Variants in PSME4 observed in about 807,000 individuals in gnomAD.
The protein encoded by PSME4 is proteasome activator subunit 4, also known as proteasome activator complex subunit 4.
Under a neutral mutation model 253.9 loss-of-function variants are expected in PSME4, and 89 were observed. The observed-to-expected ratio is 0.35, with a 90% CI of 0.30 to 0.42. The LOEUF (loss-of-function observed/expected upper bound fraction) is 0.42. Ranked by LOEUF, PSME4 falls within the 10% of genes least tolerant of loss-of-function variation. The pLI, the probability that PSME4 is intolerant of heterozygous loss-of-function variation, is 1.00. For missense variants in PSME4, 2,014 were observed against 2,195.2 expected, an observed-to-expected ratio of 0.92 and a Z score of 1.65; for synonymous variants, 851 against 759.2, an observed-to-expected ratio of 1.12 and a Z score of -1.99.
chr2:53,868,506 T>TAAAA (rs1558638192), intron 44 of PSME4, among the ~76,000 whole-genome samples: 5 of 53,726 alleles, frequency 9.3e-5, no homozygotes, highest in African/African-American at 2.8e-4. Context: ...TGATATATAT[T>TAAAA]ATAAAATATA....
chr2:53,897,167 G>GTTTT (rs1056577962), intron 31 of PSME4, among the ~76,000 whole-genome samples: 9 of 122,170 alleles, frequency 7.4e-5, no homozygotes, highest in East Asian at 2.5e-4. Flanking sequence ...TAGCCTCAGG[G>GTTTT]TTTTTTTTTT....
In PSME4 at chr2:53,896,720, G is replaced by T. The variant is rs1680153914; in HGVS notation, c.3688+84C>A. ...TAATATCCATAGAACAATATTTGAG[G>T]TCAAGAACTAGAATTTATACATGTC... On this transcript the variant is annotated intron_variant, in intron 32 of 46. Transcript: ENST00000404125. The T allele has an allele frequency of 1.2e-5, 12 of 1,010,076 alleles. No individual in the cohort carries two copies. In the South Asian group the frequency reaches 1.2e-4, roughly 10 times the overall value. 62.6% of individuals were successfully genotyped at this position (1,010,076 alleles called of 1,614,324 possible).
intron 40 of PSME4, 113 bp from the exon 41 acceptor site, chr2:53,885,888 C>T: frequency 1.6e-6 from 1 of 622,374 alleles, no homozygotes; most frequent in Non-Finnish European, 2.8e-6. Context: ...CTCTTCGGTG[C>T]TATGAAAGAT....
intron 1 of PSME4, among the ~76,000 whole-genome samples, chr2:53,950,928 A>T (rs1416515021): frequency 6.6e-6 from 1 of 152,106 alleles, no homozygotes; most frequent in Non-Finnish European, 1.5e-5. Context: ...GAAGTAACTG[A>T]TCCAAATAAA....
intron 27 of PSME4, among the ~76,000 whole-genome samples, chr2:53,903,612 T>C (rs931136505): frequency 8.5e-5 from 13 of 152,148 alleles, no homozygotes; most frequent in African/African-American, 2.9e-4. Flanking sequence ...TCCTTCACAC[T>C]GGTCATACTA....
intron 10 of PSME4, among the ~76,000 whole-genome samples, chr2:53,931,233 G>C (rs1022675119): frequency 5.3e-5 from 8 of 152,002 alleles, no homozygotes; most frequent in African/African-American, 1.9e-4. Flanking sequence ...GCCAAGATTT[G>C]CACTCCAGCC....
intron 1 of PSME4, among the ~76,000 whole-genome samples, chr2:53,960,398 C>CA (rs1355944056): frequency 0.041 from 2,243 of 54,770 alleles, 66 homozygotes; most frequent in African/African-American, 0.11. Flanking sequence ...GACTCCATCT[C>CA]AAAAAAAAAA....
intron 43 of PSME4, among the ~76,000 whole-genome samples, chr2:53,874,083 T>A (rs938793227): frequency 9.2e-5 from 14 of 152,144 alleles, no homozygotes; most frequent in Non-Finnish European, 1.6e-4. Flanking sequence ...GACCTCGACC[T>A]CCTGAATAGC....
intron 1 of PSME4, among the ~76,000 whole-genome samples, chr2:53,968,180 C>T (rs1670835441): frequency 1.3e-5 from 2 of 149,858 alleles, no homozygotes; most frequent in South Asian, 4.2e-4. Flanking sequence ...GAGGCTGAGG[C>T]AGGAGAATCG....
rs1194416505 is a variant in PSME4 at position 53,949,281 on chromosome 2, T to A, written c.245A>T (p.Tyr82Phe). 2 of 1,577,720 alleles carry A rather than the reference T, an allele frequency of 1.3e-6. No homozygotes were observed. The highest frequency in any genetic ancestry group is 1.7e-6 in the Non-Finnish European group (2 of 1,154,282). ...GLFWTRKLST[Y>F]IRLYGRKFSK... Reference sequence around the variant, plus strand: ...AAATTTTCTCCCATAAAGTCGAATATATCTGCAAGAGAAAAATAGATATAC... The same window carrying A: ...AAATTTTCTCCCATAAAGTCGAATAAATCTGCAAGAGAAAAATAGATATAC... The change falls in exon 2 of 47, where the codon TAT becomes TTT. Residue 82 changes from tyrosine to phenylalanine, a missense_variant and splice_region_variant. Physicochemically the swap from Tyr to Phe is conservative, Grantham distance 22 (BLOSUM62 3). Around this residue, in one of 4 missense-constraint regions of PSME4, gnomAD observed 615 missense variants for 594.4 expected, o/e 1.03. Transcript: ENST00000404125.
At chr2:53,947,813 C>T (rs1020830981) in intron 3 of PSME4, among the ~76,000 whole-genome samples, 2 of 151,796 alleles carry the variant, frequency 1.3e-5, no homozygotes, top group African/African-American at 2.4e-5. Context: ...GTCAGGAGTT[C>T]GAGACCAGCC....
At chr2:53,912,648 T>C (rs142583659) in intron 20 of PSME4, among the ~76,000 whole-genome samples, 1 of 152,202 alleles carries the variant, frequency 6.6e-6, no homozygotes, top group African/African-American at 2.4e-5. Flanking sequence ...TACTTTTTGG[T>C]AGAGACAGGG....
chr2:53,958,307 G>C (rs1360775634), intron 1 of PSME4, among the ~76,000 whole-genome samples: 1 of 151,662 alleles, frequency 6.6e-6, no homozygotes, highest in Non-Finnish European at 1.5e-5. Context: ...AGTGAGCTGA[G>C]ATAGCACCGC....
chr2:53,895,744 A>C lies in PSME4; in HGVS notation c.3689-8T>G. 6.4e-7 allele frequency: 1 copy of C among 1,569,986 alleles called. No individual in the cohort carries two copies. The highest frequency in any genetic ancestry group is 1.2e-5 in the South Asian group (1 of 83,788). Reference sequence around the variant, plus strand: ...TGGGTTTAGGGCATCCACCTAAGGAAAAGACAATCACATTTGATGAATTTA... The same window carrying C: ...TGGGTTTAGGGCATCCACCTAAGGACAAGACAATCACATTTGATGAATTTA... On this transcript the variant is annotated splice_region_variant and splice_polypyrimidine_tract_variant and intron_variant, in intron 32 of 46. Transcript: ENST00000404125.
chr2:53,878,749 A>G (rs1679248365), intron 41 of PSME4, among the ~76,000 whole-genome samples: 1 of 152,190 alleles, frequency 6.6e-6, no homozygotes, highest in South Asian at 2.1e-4. Context: ...TTTTGGTCAG[A>G]CCAGTGGTCT....
At chr2:53,949,626 T>C (rs1669884174) in intron 1 of PSME4, among the ~76,000 whole-genome samples, 1 of 152,144 alleles carries the variant, frequency 6.6e-6, no homozygotes, top group African/African-American at 2.4e-5. Context: ...GTATGAATGT[T>C]AAGTGAAATA....
intron 31 of PSME4, 40 bp from the exon 32 acceptor site, chr2:53,896,925 T>A: frequency 7.0e-7 from 1 of 1,426,278 alleles, no homozygotes; most frequent in Non-Finnish European, 9.9e-7. Flanking sequence ...AAAAAAAGTT[T>A]AAATCACTTA....
chr2:53,940,966 T>TA (rs1558413918), intron 3 of PSME4, among the ~76,000 whole-genome samples: 2 of 67,814 alleles, frequency 2.9e-5, no homozygotes, highest in East Asian at 3.5e-4. Flanking sequence ...TATATATATA[T>TA]ATATATATAT....
At chr2:53,880,843 A>G (rs1443428962) in intron 41 of PSME4, among the ~76,000 whole-genome samples, 1 of 152,190 alleles carries the variant, frequency 6.6e-6, no homozygotes, top group East Asian at 1.9e-4. Flanking sequence ...TGGTCATTTT[A>G]TTCACACTCA....
Sources: gnomAD v4.1 joint callset for allele counts (sites outside exome capture counted in the v4.1 genomes callset) on GRCh38, gnomAD v4.1.1 for gene constraint, gnomAD v4.1.1 regional missense constraint, MANE v1.5 for transcripts, NCBI Gene and HGNC (gene_info 2026-07-23, HGNC 2026-07-21) for gene names.